Variants in TBC1D10B observed in about 807,000 individuals in gnomAD.
TBC1D10B encodes the protein TBC1 domain family member 10B.
Under a neutral mutation model 78.4 loss-of-function variants are expected in TBC1D10B, and 25 were observed. The ratio of observed to expected loss-of-function variants is 0.32; its 90% CI spans 0.23 to 0.45. TBC1D10B has a LOEUF of 0.45. TBC1D10B is among the 20% of genes least tolerant of loss of function. The pLI is 1.00. For synonymous variants in TBC1D10B, 517 were observed against 478.0 expected, an observed-to-expected ratio of 1.08 and a Z score of -1.06; for missense variants, 996 against 1,104.8, an observed-to-expected ratio of 0.90 and a Z score of 1.40.
At chr16:30,362,194 A>C (rs2049604080) in intron 4 of TBC1D10B, among the ~76,000 whole-genome samples, 1 of 152,026 alleles carries the variant, frequency 6.6e-6, no homozygotes. Flanking sequence ...CATGTTGGCC[A>C]GGCTGGTCTT....
In TBC1D10B at chr16:30,370,065, G is replaced by C; in HGVS notation, c.119C>G (p.Pro40Arg). Residue 40 changes from proline to arginine, a missense_variant, in exon 1 of 9, where the codon CCT (proline) becomes CGT (arginine). Coordinates refer to ENST00000409939, the MANE Select transcript of TBC1D10B (RefSeq NM_015527.4). ...GGCCGAAGTGGCCGTAGTCACTGGA[G>C]GTCCCGGAGCCACCACCACGACGGG... ...AGPVVVVAPG[P>R]PVTTATSAPV... The C allele has an allele frequency of 4.1e-6, 5 of 1,227,732 alleles. No homozygotes were observed. Among genetic ancestry groups the C allele is most frequent in the Non-Finnish European group, 5.1e-6 (5 of 985,374 alleles). The allele number at this position is 1,227,732 out of a possible 1,614,324, so 76.1% of individuals were successfully genotyped here.
chr16:30,365,787 T>G lies in TBC1D10B; in HGVS notation c.957-193A>C. Reference sequence around the variant, plus strand: ...AAAGGGCTTCCTTCCCTGATGGATCTCTATTCAGAGGTCATATTTAAATCT... The same window carrying G: ...AAAGGGCTTCCTTCCCTGATGGATCGCTATTCAGAGGTCATATTTAAATCT... On this transcript the variant is annotated intron_variant, in intron 1 of 8. Transcript: ENST00000409939. This position sits in a 1 kb window ranked among gnomAD's most constrained non-coding sequence, Gnocchi z 5.0. 3.4e-6 allele frequency: 2 copies of G among 584,282 alleles called. No individual in the cohort carries two copies. Among genetic ancestry groups the G allele is most frequent in the East Asian group, 5.8e-5 (2 of 34,280 alleles). 36.2% of individuals were successfully genotyped at this position (584,282 alleles called of 1,614,324 possible).
At chr16:30,367,237 C>T (rs1180505643) in intron 1 of TBC1D10B, 1 of 152,194 alleles carries the variant, frequency 6.6e-6, no homozygotes, top group Non-Finnish European at 1.5e-5. Flanking sequence ...AACACCACCA[C>T]CACCTACATC....
At position 30,358,181 on chromosome 16, in the gene TBC1D10B, T is replaced by C. The variant is rs567904100; in HGVS notation, c.2190A>G (p.Lys730=). 7 of 1,550,766 alleles carry C rather than the reference T, an allele frequency of 4.5e-6. No homozygotes were observed. The highest frequency in any genetic ancestry group is 2.7e-5 in the African/African-American group (2 of 73,076). The change falls in exon 9 of 9, where the codon AAA becomes AAG. Residue 730 remains lysine, a synonymous_variant. Coordinates refer to ENST00000409939, the MANE Select transcript of TBC1D10B (RefSeq NM_015527.4). ...ETRKQEKERQ[K]QEKERQKQEK... ...CCTGTTTCTGCCGCTCCTTCTCCTG[T>C]TTCTGCCGCTCCTTCTCCTGCTTCC...
At position 30,358,146 on chromosome 16, in the gene TBC1D10B, CGCTCCTTCTCCT is replaced by C. The variant is rs1347255904; in HGVS notation, c.2213_2224del (p.Gln738_Glu741del). The C allele has an allele frequency of 1.4e-5, 21 of 1,549,356 alleles. No homozygotes were observed. Among genetic ancestry groups the C allele is most frequent in the Admixed American group, 1.2e-4 (6 of 50,904 alleles). ...CTCCTGCTTCTGCCGCTCCTTCTCC[CGCTCCTTCTCCT>C]GTTTCTGCCGCTCCTTCTCCTGTTT... is the stretch of plus-strand genomic sequence containing the variant. On this transcript the variant is annotated inframe_deletion, in exon 9 of 9. Coordinates refer to ENST00000409939, the MANE Select transcript of TBC1D10B (RefSeq NM_015527.4).
rs775323616 is a variant in TBC1D10B, at chr16:30,365,607, G to A, written c.957-13C>T. ...AATGGAGCTCTCTCTGCAGGGTCGG[G>A]GGAGCACGGAAGGGGTCAGTAGCAA... On this transcript the variant is annotated splice_polypyrimidine_tract_variant and intron_variant, in intron 1 of 8. Transcript: ENST00000409939. This position sits in a 1 kb window ranked among gnomAD's most constrained non-coding sequence, Gnocchi z 5.0. 1.2e-6 allele frequency: 2 copies of A among 1,613,422 alleles called. No individual in the cohort carries two copies. Among genetic ancestry groups the A allele is most frequent in the Non-Finnish European group, 1.7e-6 (2 of 1,179,684 alleles).
intron 4 of TBC1D10B, among the ~76,000 whole-genome samples, chr16:30,363,028 C>T (rs1466575149): frequency 6.6e-6 from 1 of 152,152 alleles, no homozygotes; most frequent in Non-Finnish European, 1.5e-5. Context: ...CAGAGCGAGA[C>T]TCCGTCTCAA....
Position 30,370,420 on chromosome 16 carries a change from C to T in TBC1D10B, c.-237G>A, listed in dbSNP as rs1596992542. 6.6e-6 allele frequency among the ~76,000 whole-genome samples: 1 copy of T among 151,998 alleles called. No individual in the cohort carries two copies. Among genetic ancestry groups the T allele is most frequent in the African/African-American group, 2.4e-5 (1 of 41,536 alleles). On this transcript the variant is annotated 5_prime_UTR_variant, in exon 1 of 9. Coordinates refer to ENST00000409939, the MANE Select transcript of TBC1D10B (RefSeq NM_015527.4). ...TCGCGCGCTCTCGCCACCGCCCCCTCCCTCCTGCTTGGGGGCGAGCCGCCG... is the reference window on the plus strand; with the variant it reads ...TCGCGCGCTCTCGCCACCGCCCCCTTCCTCCTGCTTGGGGGCGAGCCGCCG...
chr16:30,359,677 G>A (rs1332671989), intron 5 of TBC1D10B, 50 bp downstream of exon 5: 1 of 1,553,812 alleles, frequency 6.4e-7, no homozygotes, highest in Non-Finnish European at 8.7e-7. Flanking sequence ...CATCACCACT[G>A]TAGGGTGAGA....
rs1416431530 is a variant in TBC1D10B, at chr16:30,369,773, C to G, written c.411G>C (p.Glu137Asp). 6.9e-7 allele frequency: 1 copy of G among 1,443,522 alleles called. No individual in the cohort carries two copies. Among genetic ancestry groups the G allele is most frequent in the Admixed American group, 2.9e-5 (1 of 34,550 alleles). The allele number at this position is 1,443,522 out of a possible 1,614,324, so 89.4% of individuals were successfully genotyped here. A position where few individuals can be genotyped will look rare whatever the true frequency, so the allele number is the denominator to read the frequency against. Residue 137 changes from glutamate (E) to aspartate (D), a missense_variant, in exon 1 of 9, where the codon GAG (glutamate) becomes GAC (aspartate). By Grantham distance (45) the Glu-to-Asp change is conservative. Coordinates refer to ENST00000409939, the MANE Select transcript of TBC1D10B (RefSeq NM_015527.4). The surrounding 1 kb of genome is among the most constrained non-coding windows in gnomAD (Gnocchi z 4.3). ...AAGADSPKTE[E>D]ARPSPAPGPG... ...GTCCTGGGGCGGGTGAGGGTCGAGCCTCCTCTGTCTTCGGCGAGTCTGCCC... is the reference window on the plus strand; with the variant it reads ...GTCCTGGGGCGGGTGAGGGTCGAGCGTCCTCTGTCTTCGGCGAGTCTGCCC...
intron 7 of TBC1D10B, 139 bp downstream of exon 7, chr16:30,359,033 C>G (rs1182329840): frequency 1.6e-6 from 2 of 1,279,064 alleles, no homozygotes; most frequent in East Asian, 2.5e-5. Context: ...AGGCCTGTTT[C>G]TCCAGCCCCC....
intron 4 of TBC1D10B, 41 bp downstream of exon 4, chr16:30,364,858 GC>G: frequency 1.3e-6 from 2 of 1,545,152 alleles, no homozygotes; most frequent in Non-Finnish European, 1.8e-6. Flanking sequence ...GGATCCTCCA[GC>G]CAATGTTTGC....
In TBC1D10B at chr16:30,358,363, A is replaced by C; in HGVS notation, c.2008T>G (p.Ser670Ala). Residue 670 changes from serine (S) to alanine (A), a missense_variant, in exon 9 of 9, where the codon TCC becomes GCC. Coordinates refer to ENST00000409939, the MANE Select transcript of TBC1D10B (RefSeq NM_015527.4). ...LSLPGLKSRG[S>A]RAAGGAPSPP... ...GACGGGGCCCCTCCAGCTGCCCGGG[A>C]GCCTCGGCTCTTGAGGCCAGGGAGG... The C allele has an allele frequency of 6.4e-7, 1 of 1,559,252 alleles. No individual in the cohort carries two copies. Among genetic ancestry groups the C allele is most frequent in the African/African-American group, 1.4e-5 (1 of 73,360 alleles).
chr16:30,358,317 C>T lies in TBC1D10B; in HGVS notation c.2054G>A (p.Arg685Lys). The change falls in exon 9 of 9, where the codon AGA (arginine) becomes AAA (lysine). Residue 685 changes from arginine (R) to lysine (K), a missense_variant. Physicochemically the swap from Arg to Lys is conservative, Grantham distance 26. Coordinates refer to ENST00000409939, the MANE Select transcript of TBC1D10B (RefSeq NM_015527.4). ...GAPSPPPPVR[R>K]ASAGPAPGPV... is the part of the protein sequence containing the mutation. Reference sequence around the variant, plus strand: ...CCCTGGGGCAGGCCCAGCACTGGCTCTGCGGACGGGGGGCGGCGGGGACGG... The same window carrying T: ...CCCTGGGGCAGGCCCAGCACTGGCTTTGCGGACGGGGGGCGGCGGGGACGG... The T allele has an allele frequency of 6.3e-7, 1 of 1,578,364 alleles. No individual in the cohort carries two copies. The highest frequency in any genetic ancestry group is 8.6e-7 in the Non-Finnish European group (1 of 1,162,098).
chr16:30,359,323 G>T lies in TBC1D10B; in HGVS notation c.1491C>A (p.Leu497=). The change falls in exon 7 of 9, where the codon CTC becomes CTA. Residue 497 remains leucine, a synonymous_variant. Coordinates refer to ENST00000409939, the MANE Select transcript of TBC1D10B (RefSeq NM_015527.4). ...IQLDGEIFFA[L]LRRASPLAHR... ...GCGCCAGCGGGGAGGCCCGGCGCAGGAGTGCAAAAAAGATCTCCCCGTCCA... is the reference window on the plus strand; with the variant it reads ...GCGCCAGCGGGGAGGCCCGGCGCAGTAGTGCAAAAAAGATCTCCCCGTCCA... The T allele has an allele frequency of 6.3e-7, 1 of 1,588,630 alleles. No homozygotes were observed. Among genetic ancestry groups the T allele is most frequent in the Non-Finnish European group, 8.6e-7 (1 of 1,168,134 alleles).
chr16:30,359,656 G>C, intron 5 of TBC1D10B, 53 bp from the exon 6 acceptor site: 2 of 1,553,276 alleles, frequency 1.3e-6, no homozygotes, highest in South Asian at 2.4e-5. Context: ...GCAGGGAGCA[G>C]GGAGCTCCCC....
Position 30,358,497 on chromosome 16 carries a change from C to T in TBC1D10B, c.1874G>A (p.Arg625Gln), listed in dbSNP as rs750686538. Residue 625 changes from arginine (R) to glutamine (Q), a missense_variant, in exon 9 of 9, where the codon CGG becomes CAG. Coordinates refer to ENST00000409939, the MANE Select transcript of TBC1D10B (RefSeq NM_015527.4). The part of the protein sequence containing the change: ...AAQLKKWRET[R>Q]GELQYRPSRR... ...TGAGGGCCGATACTGCAGCTCCCCC[C>T]GCGTTTCCCGCCACTTCTTGAGCTG... The T allele has an allele frequency of 2.5e-6, 4 of 1,604,764 alleles. No homozygotes were observed. Among genetic ancestry groups the T allele is most frequent in the East Asian group, 2.3e-5 (1 of 44,368 alleles).
Position 30,365,767 on chromosome 16 carries a change from G to A in TBC1D10B, c.957-173C>T, listed in dbSNP as rs2049631239. ...GGGCATCCCAAGGCACACTGAAAGG[G>A]CTTCCTTCCCTGATGGATCTCTATT... On this transcript the variant is annotated intron_variant, in intron 1 of 8. Transcript: ENST00000409939. The surrounding 1 kb of genome is among the most constrained non-coding windows in gnomAD (Gnocchi z 5.0). The A allele has an allele frequency of 4.9e-6, 3 of 608,878 alleles. No individual in the cohort carries two copies. The highest frequency in any genetic ancestry group is 5.5e-5 in the Admixed American group (2 of 36,574). The allele number at this position is 608,878 out of a possible 1,614,324, so 37.7% of individuals were successfully genotyped here.
rs1159973842 is a variant in TBC1D10B at position 30,360,074 on chromosome 16, C to A, written c.1272-233G>T. 14 of 501,508 alleles carry A rather than the reference C, an allele frequency of 2.8e-5. No individual in the cohort carries two copies. In the East Asian group the frequency reaches 4.3e-4, roughly 15 times the overall value. 31.1% of individuals were successfully genotyped at this position (501,508 alleles called of 1,614,324 possible). On this transcript the variant is annotated intron_variant, in intron 4 of 8. Transcript: ENST00000409939. ...CTGGCCATCCCAGCACAGGCTGCAC[C>A]CTCGCCCTCCTTCCTCAGCCACATC...
Sources: allele counts gnomAD v4.1 joint callset (sites outside exome capture counted in the v4.1 genomes callset), GRCh38; gene constraint gnomAD v4.1.1; non-coding constraint Gnocchi (gnomAD v3.1); transcripts MANE v1.5; gene names NCBI Gene and HGNC (gene_info 2026-07-23, HGNC 2026-07-21).